The following CELF2 variants were observed in gnomAD, a reference collection of about 807,000 sequenced individuals.
CELF2 encodes the protein CUGBP Elav-like family member 2.
Under a neutral mutation model 62.6 loss-of-function variants are expected in CELF2, and 8 were observed. The ratio of observed to expected loss-of-function variants is 0.13; its 90% CI spans 0.07 to 0.23. The LOEUF (loss-of-function observed/expected upper bound fraction) is 0.23. CELF2 is among the 10% of genes least tolerant of loss of function. The probability of loss-of-function intolerance (pLI) is 1.00; values close to 1 mark genes in which losing one functional copy is unlikely to be tolerated. For missense variants in CELF2, 333 were observed against 671.0 expected, an observed-to-expected ratio of 0.50 and a Z score of 5.56; for synonymous variants, 258 against 250.0, an observed-to-expected ratio of 1.03 and a Z score of -0.30.
At chr10:10,867,359 A>G (rs935469716) in intron 1 of CELF2, among the ~76,000 whole-genome samples, 1 of 152,240 alleles carries the variant, frequency 6.6e-6, no homozygotes, top group African/African-American at 2.4e-5. Flanking sequence ...AGTTACTGAC[A>G]AGTGGAAATA....
chr10:11,226,581 TCAGCTGGGCAGG>T (rs1410786333), intron 3 of CELF2, among the ~76,000 whole-genome samples: 3 of 148,856 alleles, frequency 2.0e-5, no homozygotes, highest in Admixed American at 6.7e-5. Flanking sequence ...AACCTAGAAG[TCAGCTGGGCAGG>T]CAGTGGCCAC....
chr10:11,275,279 G>T (rs943675244), intron 8 of CELF2, among the ~76,000 whole-genome samples, 159 bp downstream of exon 8: 3 of 129,492 alleles, frequency 2.3e-5, no homozygotes, highest in African/African-American at 7.8e-5. Context: ...CGCCTGCTCT[G>T]AAGTGTCTCT....
chr10:11,016,371 C>T (rs562808303), upstream of CELF2, among the ~76,000 whole-genome samples: 6 of 152,180 alleles, frequency 3.9e-5, no homozygotes, highest in Non-Finnish European at 7.4e-5. This position sits in a 1 kb window ranked among gnomAD's most constrained non-coding sequence, Gnocchi z 5.2. Flanking sequence ...TAGTTTAGCC[C>T]TACATCTAAT....
At chr10:10,661,848 G>T in the CELF2 span, among the ~76,000 whole-genome samples, 2 of 152,174 alleles carry the variant, frequency 1.3e-5, no homozygotes, top group Non-Finnish European at 2.9e-5. Context: ...GGTTTCAGAT[G>T]AATTTCAGCC....
chr10:10,802,757 C>G (rs2054800421), intron 1 of CELF2, among the ~76,000 whole-genome samples: 1 of 152,190 alleles, frequency 6.6e-6, no homozygotes, highest in South Asian at 2.1e-4. Context: ...AAGCTGTTGC[C>G]AATTCCTCTT....
At position 11,274,904 on chromosome 10, in the gene CELF2, A is replaced by AT. The variant is rs1378411634; in HGVS notation, c.778-150dup. Among the ~76,000 whole-genome samples, 4 of 152,214 alleles carry AT rather than the reference A, an allele frequency of 2.6e-5. No homozygotes were observed. The East Asian group carries it at 5.8e-4, about 22-fold the overall frequency. On this transcript the variant is annotated intron_variant, in intron 7 of 12. Coordinates refer to ENST00000633077, the MANE Select transcript of CELF2 (RefSeq NM_001326342.2). The stretch of plus-strand genomic sequence containing the variant: ...TAATAGAGATTGGACATGAATATGG[A>AT]TTTACAGCCCCAGCTCTGGGGACCT...
At chr10:10,977,120 A>C (rs935640478) in intron 2 of CELF2, among the ~76,000 whole-genome samples, 1 of 152,170 alleles carries the variant, frequency 6.6e-6, no homozygotes, top group Non-Finnish European at 1.5e-5. Flanking sequence ...CCTGCAAAAA[A>C]AAACTGCCAG....
chr10:10,728,411 C>T, the CELF2 span, among the ~76,000 whole-genome samples: 2 of 146,730 alleles, frequency 1.4e-5, no homozygotes, highest in Non-Finnish European at 3.0e-5. Flanking sequence ...CAAGATCATG[C>T]CACTGCACTC....
At chr10:10,638,005 G>A in the CELF2 span, among the ~76,000 whole-genome samples, 1 of 152,120 alleles carries the variant, frequency 6.6e-6, no homozygotes, top group African/African-American at 2.4e-5. Flanking sequence ...TTCGGGGGAT[G>A]AATAGTTCAT....
chr10:10,824,692 A>G (rs1474293650), intron 1 of CELF2, among the ~76,000 whole-genome samples: 1 of 152,244 alleles, frequency 6.6e-6, no homozygotes, highest in Admixed American at 6.5e-5. Context: ...AGAAATATTT[A>G]GTCTCTGTTG....
chr10:11,201,785 C>T (rs986233393), intron 2 of CELF2, among the ~76,000 whole-genome samples: 4 of 152,224 alleles, frequency 2.6e-5, no homozygotes, highest in Non-Finnish European at 4.4e-5. Context: ...AGGGGCATGG[C>T]TTGGCTCCAA....
intron 1 of CELF2, among the ~76,000 whole-genome samples, chr10:10,847,958 A>G (rs1259181757): frequency 6.6e-6 from 1 of 152,216 alleles, no homozygotes. Context: ...TAATTTCACC[A>G]TACAGGAGAT....
the CELF2 span, among the ~76,000 whole-genome samples, chr10:10,570,200 G>A: frequency 1.3e-5 from 2 of 152,144 alleles, no homozygotes; most frequent in Non-Finnish European, 2.9e-5. Context: ...AGGGTGAGAA[G>A]CCAAGTCAAA....
At position 11,330,746 on chromosome 10, in the gene CELF2, A is replaced by AT. The variant is rs1217196287; in HGVS notation, c.*1701dup. 2 of 152,300 alleles carry AT rather than the reference A, an allele frequency of 1.3e-5. No homozygotes were observed. Among genetic ancestry groups the AT allele is most frequent in the Non-Finnish European group, 1.5e-5 (1 of 67,940 alleles). The allele number at this position is 152,300 out of a possible 1,614,324, so 9.4% of individuals were successfully genotyped here. A position where few individuals can be genotyped will look rare whatever the true frequency, so the allele number is the denominator to read the frequency against. The stretch of plus-strand genomic sequence containing the variant: ...CCTGTGGCAAAAACGTTTCTTTCTT[A>AT]TTTTTTTTCTTTTCCTAAAACAGAC... On this transcript the variant is annotated 3_prime_UTR_variant, in exon 13 of 13. Transcript: ENST00000633077. The surrounding 1 kb of genome is among the most constrained non-coding windows in gnomAD (Gnocchi z 4.5).
At chr10:10,875,843 A>G (rs2061052798) in intron 1 of CELF2, among the ~76,000 whole-genome samples, 1 of 152,244 alleles carries the variant, frequency 6.6e-6, no homozygotes, top group Non-Finnish European at 1.5e-5. Context: ...GCTGTTTGCA[A>G]GATGACTGCT....
In CELF2 at chr10:10,995,459, G is replaced by C; in HGVS notation, c.89+75460G>C. 6.6e-6 allele frequency among the ~76,000 whole-genome samples: 1 copy of C among 152,174 alleles called. No individual in the cohort carries two copies. Among genetic ancestry groups the C allele is most frequent in the East Asian group, 1.9e-4 (1 of 5,200 alleles). On this transcript the variant is annotated intron_variant, in intron 2 of 13. Coordinates refer to the CELF2 transcript ENST00000636488. This position sits in a 1 kb window ranked among gnomAD's most constrained non-coding sequence, Gnocchi z 4.7. ...CCCAGTCACAGGGTGGGGATCACTGGAGAGTTTTGCATTGGTGGAAAACAG... is the reference window on the plus strand; with the variant it reads ...CCCAGTCACAGGGTGGGGATCACTGCAGAGTTTTGCATTGGTGGAAAACAG...
chr10:10,915,267 T>A (rs983506311), intron 1 of CELF2, among the ~76,000 whole-genome samples: 3 of 152,230 alleles, frequency 2.0e-5, no homozygotes, highest in Non-Finnish European at 2.9e-5. Context: ...AGGCATTTTT[T>A]AAAAAATGAA....
At chr10:10,870,696 T>G (rs1184578259) in intron 1 of CELF2, among the ~76,000 whole-genome samples, 1 of 152,186 alleles carries the variant, frequency 6.6e-6, no homozygotes, top group African/African-American at 2.4e-5. Context: ...TTATTTCCAT[T>G]TTTAAAACCT....
At chr10:10,777,591 G>T in the CELF2 span, among the ~76,000 whole-genome samples, 1 of 152,016 alleles carries the variant, frequency 6.6e-6, no homozygotes, top group Non-Finnish European at 1.5e-5. Context: ...CTGCTGCCTG[G>T]GTCAAAGCCT....
Sources: gnomAD v4.1 joint callset for allele counts (sites outside exome capture counted in the v4.1 genomes callset) on GRCh38, gnomAD v4.1.1 for gene constraint, Gnocchi (gnomAD v3.1) non-coding constraint, MANE v1.5 for transcripts, NCBI Gene and HGNC (gene_info 2026-07-23, HGNC 2026-07-21) for gene names.